The following AKAP13 variants were observed in gnomAD, a reference collection of about 807,000 sequenced individuals.
AKAP13 encodes A-kinase anchor protein 13.
In AKAP13, 80 loss-of-function variants were observed where a neutral mutation model predicts 264.5. The ratio of observed to expected loss-of-function variants is 0.30; its 90% CI spans 0.25 to 0.36. AKAP13 has a LOEUF of 0.36. AKAP13 is among the 10% of genes least tolerant of loss of function. The probability of loss-of-function intolerance (pLI) is 1.00; values close to 1 mark genes in which losing one functional copy is unlikely to be tolerated. For missense variants in AKAP13, 3,712 were observed against 3,435.2 expected, an observed-to-expected ratio of 1.08 and a Z score of -2.01; for synonymous variants, 1,380 against 1,250.2, an observed-to-expected ratio of 1.10 and a Z score of -2.19.
At chr15:85,423,080 A>C (rs2072598318) in intron 1 of AKAP13, among the ~76,000 whole-genome samples, 1 of 152,242 alleles carries the variant, frequency 6.6e-6, no homozygotes, top group African/African-American at 2.4e-5. Flanking sequence ...GCTAACAATC[A>C]TGTGAACCTT....
rs2087620185 is a variant in AKAP13 at position 85,726,462 on chromosome 15, C to T, written c.6798C>T (p.Asp2266=). Residue 2266 remains aspartate, a synonymous_variant, in exon 27 of 37, where the codon GAC becomes GAT. Coordinates refer to ENST00000394518, the MANE Select transcript of AKAP13 (RefSeq NM_007200.5). ...TTTTAGTTTTCCTTCAAGAAAAAGA[C>T]CAGAAGTACATCTTTGCATCATTGG... is the stretch of plus-strand genomic sequence containing the variant. ...TDILVFLQEK[D]QKYIFASLDQ... 6.2e-7 allele frequency: 1 copy of T among 1,613,174 alleles called. No homozygotes were observed. The highest frequency in any genetic ancestry group is 8.5e-7 in the Non-Finnish European group (1 of 1,179,382).
chr15:85,683,127 C>G (rs749780753), intron 15 of AKAP13, among the ~76,000 whole-genome samples: 8 of 152,270 alleles, frequency 5.3e-5, no homozygotes, highest in Non-Finnish European at 1.0e-4. Context: ...AGTTATGATT[C>G]TGATTTAGAA....
intron 13 of AKAP13, among the ~76,000 whole-genome samples, chr15:85,666,327 T>C (rs2151553423): frequency 6.6e-6 from 1 of 152,316 alleles, no homozygotes; most frequent in Non-Finnish European, 1.5e-5. Context: ...ATGTCTTCTT[T>C]TGAGAAGTGT....
At chr15:85,392,923 CT>C (rs1454335182) in intron 1 of AKAP13, among the ~76,000 whole-genome samples, 1 of 152,180 alleles carries the variant, frequency 6.6e-6, no homozygotes. Context: ...TAGAAGTATC[CT>C]TTTTCCCAGG....
chr15:85,658,692 A>C lies in AKAP13; in HGVS notation c.4799+102A>C, dbSNP rs2151528545. The C allele has an allele frequency of 9.2e-6, 9 of 979,228 alleles. No homozygotes were observed. The South Asian group carries it at 1.3e-4, about 14-fold the overall frequency. 60.7% of individuals were successfully genotyped at this position (979,228 alleles called of 1,614,324 possible). ...TCCATGATTGGATCATCTACTTTTA[A>C]GTAATGTCCCATCTAATTCAGGCAA... On this transcript the variant is annotated intron_variant, in intron 12 of 36. Coordinates refer to ENST00000394518, the MANE Select transcript of AKAP13 (RefSeq NM_007200.5).
rs1288044530 is a variant in AKAP13 at position 85,719,184 on chromosome 15, A to C, written c.6110A>C (p.Lys2037Thr). 1 of 1,614,162 alleles carries C rather than the reference A, an allele frequency of 6.2e-7. No individual in the cohort carries two copies. Among genetic ancestry groups the C allele is most frequent in the East Asian group, 2.2e-5 (1 of 44,884 alleles). Reference sequence around the variant, plus strand: ...CTTTTTGAGCAGCAGATGGTAGAAAAGCTGTTCCCCTGTTTGGATGAGCTG... The same window carrying C: ...CTTTTTGAGCAGCAGATGGTAGAAACGCTGTTCCCCTGTTTGGATGAGCTG... ...DLLFEQQMVE[K>T]LFPCLDELIS... The change falls in exon 23 of 37, where the codon AAG (lysine) becomes ACG (threonine). Residue 2037 changes from lysine (K) to threonine (T), a missense_variant. Physicochemically the swap from Lys to Thr is moderately conservative, Grantham distance 78. Around this residue, in one of 3 missense-constraint regions of AKAP13, gnomAD observed 342 missense variants for 484.3 expected, o/e 0.71. Coordinates refer to ENST00000394518, the MANE Select transcript of AKAP13 (RefSeq NM_007200.5).
At chr15:85,628,973 G>A (rs1202229325) in intron 8 of AKAP13, among the ~76,000 whole-genome samples, 1 of 152,112 alleles carries the variant, frequency 6.6e-6, no homozygotes, top group Non-Finnish European at 1.5e-5. Flanking sequence ...TGGGAGGATT[G>A]CTTGAGGCTT....
At chr15:85,385,929 G>A (rs2150785780) in intron 1 of AKAP13, among the ~76,000 whole-genome samples, 1 of 152,274 alleles carries the variant, frequency 6.6e-6, no homozygotes, top group East Asian at 1.9e-4. Context: ...GGGTTCAAGT[G>A]ATTCTCCTGC....
In AKAP13 at chr15:85,746,076, C is replaced by T. The variant is rs1054721279; in HGVS notation, c.*1399C>T. On this transcript the variant is annotated 3_prime_UTR_variant, in exon 37 of 37. Transcript: ENST00000394518. Reference sequence around the variant, plus strand: ...GAGGCCCCGTACACCAGAAGGGAGGCCCTGGAAAATTTTGTGCTTCCAACG... The same window carrying T: ...GAGGCCCCGTACACCAGAAGGGAGGTCCTGGAAAATTTTGTGCTTCCAACG... The T allele has an allele frequency of 6.6e-6, 1 of 152,374 alleles. No individual in the cohort carries two copies. Among genetic ancestry groups the T allele is most frequent in the African/African-American group, 2.4e-5 (1 of 41,402 alleles). The allele number at this position is 152,374 out of a possible 1,614,324, so 9.4% of individuals were successfully genotyped here. A position where few individuals can be genotyped will look rare whatever the true frequency, so the allele number is the denominator to read the frequency against.
At chr15:85,437,891 C>T (rs1429637281) in intron 1 of AKAP13, among the ~76,000 whole-genome samples, 23 of 150,652 alleles carry the variant, frequency 1.5e-4, no homozygotes, top group Non-Finnish European at 3.0e-4. Flanking sequence ...GAAGCATTCC[C>T]TTTGAAAACT....
At position 85,580,764 on chromosome 15, in the gene AKAP13, A is replaced by T; in HGVS notation, c.2696A>T (p.Lys899Met). ...NTDSSLQSVG[K>M]ATLALDSVLT... ...GACTCTTCCCTGCAAAGTGTGGGTA[A>T]GGCCACTTTGGCTTTAGATTCAGTT... is the stretch of plus-strand genomic sequence containing the variant. The change falls in exon 7 of 37, where the codon AAG becomes ATG. Residue 899 changes from lysine (K) to methionine (M), a missense_variant. This residue lies in a region of AKAP13 where 2,759 missense variants were observed against 2,411.7 expected (regional missense o/e 1.14). Transcript: ENST00000394518. 6.2e-7 allele frequency: 1 copy of T among 1,614,150 alleles called. No homozygotes were observed. The highest frequency in any genetic ancestry group is 8.5e-7 in the Non-Finnish European group (1 of 1,180,026).
chr15:85,398,236 C>G (rs985625021), intron 1 of AKAP13, among the ~76,000 whole-genome samples: 1 of 152,170 alleles, frequency 6.6e-6, no homozygotes, highest in Non-Finnish European at 1.5e-5. Flanking sequence ...TATGGTTAAT[C>G]TCTTATTCTA....
At chr15:85,408,881 A>C (rs1290744262) in intron 1 of AKAP13, among the ~76,000 whole-genome samples, 1 of 151,548 alleles carries the variant, frequency 6.6e-6, no homozygotes, top group Non-Finnish European at 1.5e-5. Flanking sequence ...TTCTATTTTT[A>C]ATTTTTTGAG....
intron 14 of AKAP13, among the ~76,000 whole-genome samples, chr15:85,675,536 C>G (rs338515): frequency 0.14 from 20,694 of 152,128 alleles, 2,049 homozygotes; most frequent in East Asian, 0.37. Flanking sequence ...CTACTCTTTT[C>G]CGTACACCAG....
intron 8 of AKAP13, among the ~76,000 whole-genome samples, chr15:85,592,480 T>C (rs1374123443): frequency 6.6e-6 from 1 of 152,218 alleles, no homozygotes; most frequent in East Asian, 1.9e-4. Flanking sequence ...AAAGGTCCTT[T>C]AAAAATGTTT....
At chr15:85,406,683 T>C (rs11637650) in intron 1 of AKAP13, among the ~76,000 whole-genome samples, 38,403 of 151,604 alleles carry the variant, frequency 0.25, 6,505 homozygotes, top group Non-Finnish European at 0.37. Context: ...TTATGTTATT[T>C]GTGTTACTGT....
At chr15:85,611,337 TGTGTCTAAA>T (rs2080612481) in intron 8 of AKAP13, among the ~76,000 whole-genome samples, 1 of 152,192 alleles carries the variant, frequency 6.6e-6, no homozygotes, top group African/African-American at 2.4e-5. Context: ...TCAGATTCAC[TGTGTCTAAA>T]AGTGAATTCA....
chr15:85,429,925 T>C (rs1251889677), intron 1 of AKAP13, among the ~76,000 whole-genome samples: 1 of 152,250 alleles, frequency 6.6e-6, no homozygotes, highest in African/African-American at 2.4e-5. Context: ...GAAGTGGGAA[T>C]AATGGAACTT....
intron 23 of AKAP13, among the ~76,000 whole-genome samples, chr15:85,721,525 A>G (rs746240196): frequency 5.9e-5 from 9 of 152,236 alleles, no homozygotes; most frequent in African/African-American, 2.2e-4. Context: ...TAGAATTATT[A>G]GGACTGCTGG....
Sources: allele counts gnomAD v4.1 joint callset (sites outside exome capture counted in the v4.1 genomes callset), GRCh38; gene constraint gnomAD v4.1.1; regional missense constraint gnomAD v4.1.1; transcripts MANE v1.5; gene names NCBI Gene and HGNC (gene_info 2026-07-23, HGNC 2026-07-21).